Variants in PCDH9 observed in about 807,000 individuals in gnomAD.
PCDH9 encodes the protein protocadherin-9.
In PCDH9, 24 loss-of-function variants were observed where a neutral mutation model predicts 70.6. That is an observed-to-expected ratio of 0.34 (90% confidence interval 0.25 to 0.48). The LOEUF is 0.48. Among genes scored for constraint, PCDH9 ranks in the 20% least tolerant of loss-of-function variants. PCDH9 has a pLI of 0.99. For missense variants in PCDH9, 1,281 were observed against 1,503.6 expected (o/e 0.85, Z 2.45); for synonymous variants, 562 against 558.5 (o/e 1.01, Z -0.09).
At chr13:66,831,356 TC>T (rs1295424868) in intron 3 of PCDH9, among the ~76,000 whole-genome samples, 1 of 152,204 alleles carries the variant, frequency 6.6e-6, no homozygotes, top group East Asian at 1.9e-4. Context: ...CACCAATCTT[TC>T]CTAGAAATTA....
chr13:67,004,563 AAAAAG>A (rs1471820957), intron 2 of PCDH9, among the ~76,000 whole-genome samples: 51 of 150,146 alleles, frequency 3.4e-4, no homozygotes, highest in African/African-American at 6.3e-4. Flanking sequence ...AAAAAAAAAA[AAAAAG>A]AAAGAAAGAA....
intron 3 of PCDH9, among the ~76,000 whole-genome samples, chr13:66,779,001 A>T (rs2079946645): frequency 6.6e-6 from 1 of 152,198 alleles, no homozygotes; most frequent in South Asian, 2.1e-4. Flanking sequence ...TTTGACCATT[A>T]TTCTGACAAA....
intron 4 of PCDH9, among the ~76,000 whole-genome samples, chr13:66,415,556 C>T (rs1957446647): frequency 6.6e-6 from 1 of 152,168 alleles, no homozygotes; most frequent in Non-Finnish European, 1.5e-5. Flanking sequence ...TTTTGCTACA[C>T]AATGTTCTAC....
At position 67,223,625 on chromosome 13, in the gene PCDH9, T is replaced by C. The variant is rs2089782128; in HGVS notation, c.3036+1780A>G. ...TTACTTTTCTTATCATAGTTAACTA[T>C]TTAACTTTTAAAAACCTTTACTAAG... is the stretch of plus-strand genomic sequence containing the variant. On this transcript the variant is annotated intron_variant, in intron 2 of 4. Coordinates refer to ENST00000377865, the MANE Select transcript of PCDH9 (RefSeq NM_203487.3). 3 of 152,150 alleles carry C rather than the reference T, an allele frequency of 2.0e-5. No homozygotes were observed. The South Asian group carries it at 6.2e-4, about 31-fold the overall frequency. The allele number at this position is 152,150 out of a possible 1,614,324, so 9.4% of individuals were successfully genotyped here. A position where few individuals can be genotyped will look rare whatever the true frequency, so the allele number is the denominator to read the frequency against.
At chr13:66,342,178 G>A (rs1044257732) in intron 4 of PCDH9, among the ~76,000 whole-genome samples, 3 of 152,132 alleles carry the variant, frequency 2.0e-5, no homozygotes, top group African/African-American at 7.2e-5. Flanking sequence ...CCATAATGTG[G>A]AGCAGTTGCC....
At chr13:66,821,033 A>C (rs943816685) in intron 3 of PCDH9, among the ~76,000 whole-genome samples, 1 of 152,196 alleles carries the variant, frequency 6.6e-6, no homozygotes, top group Non-Finnish European at 1.5e-5. Flanking sequence ...TGACAAAATT[A>C]TTCTATTCAT....
chr13:66,329,949 C>T (rs901038167), intron 4 of PCDH9, among the ~76,000 whole-genome samples: 1 of 152,086 alleles, frequency 6.6e-6, no homozygotes, highest in African/African-American at 2.4e-5. Context: ...GCAATAGCTA[C>T]AATAAAAAAC....
At chr13:66,790,825 A>T (rs1346156434) in intron 3 of PCDH9, among the ~76,000 whole-genome samples, 1 of 152,118 alleles carries the variant, frequency 6.6e-6, no homozygotes, top group Admixed American at 6.5e-5. Context: ...ATACAGGATT[A>T]AAAAAGAAAT....
At chr13:67,023,697 G>C (rs2084724398) in intron 2 of PCDH9, among the ~76,000 whole-genome samples, 1 of 152,162 alleles carries the variant, frequency 6.6e-6, no homozygotes, top group Admixed American at 6.5e-5. Flanking sequence ...CCTGAATGGA[G>C]AGACTTGCAA....
chr13:66,459,731 A>G (rs1958386429), intron 4 of PCDH9, among the ~76,000 whole-genome samples: 1 of 151,994 alleles, frequency 6.6e-6, no homozygotes. Context: ...CGCATGCTTT[A>G]AGCTATGCAT....
At chr13:66,557,701 G>T (rs1356942803) in intron 4 of PCDH9, among the ~76,000 whole-genome samples, 2 of 152,186 alleles carry the variant, frequency 1.3e-5, no homozygotes, top group East Asian at 3.8e-4. Context: ...TTAGAGTTCT[G>T]TTAAGCTTAA....
chr13:67,135,393 A>G (rs2138341563), intron 2 of PCDH9, among the ~76,000 whole-genome samples: 1 of 152,228 alleles, frequency 6.6e-6, no homozygotes, highest in Non-Finnish European at 1.5e-5. Context: ...TGTGTTTCCA[A>G]TTTATATTTT....
intron 2 of PCDH9, among the ~76,000 whole-genome samples, chr13:67,162,980 A>G (rs1283521690): frequency 1.3e-5 from 2 of 152,196 alleles, no homozygotes; most frequent in Non-Finnish European, 2.9e-5. Context: ...TTTGCGATCC[A>G]GTTCTTCCAC....
intron 2 of PCDH9, among the ~76,000 whole-genome samples, chr13:66,928,724 A>G (rs1216582778): frequency 6.6e-6 from 1 of 152,088 alleles, no homozygotes; most frequent in Non-Finnish European, 1.5e-5. Context: ...CCTCAACCAG[A>G]TATTTCTGGT....
chr13:66,359,256 C>T (rs1364967946), intron 4 of PCDH9, among the ~76,000 whole-genome samples: 2 of 151,934 alleles, frequency 1.3e-5, no homozygotes, highest in East Asian at 1.9e-4. Flanking sequence ...TTGAGACATA[C>T]TAAAGGCTTC....
chr13:66,405,505 T>C lies in PCDH9; in HGVS notation c.3341-100477A>G, dbSNP rs112358449. ...GGAGAACATAAAGTGTTTTTATCCA[T>C]AGATCATCTGAACAGAAAAATAGAT... On this transcript the variant is annotated intron_variant, in intron 4 of 4. Coordinates refer to ENST00000377865, the MANE Select transcript of PCDH9 (RefSeq NM_203487.3). Among the ~76,000 whole-genome samples the C allele has an allele frequency of 7.7e-3, 1,174 of 152,266 alleles. 21 individuals carry two copies. The highest frequency in any genetic ancestry group is 0.026 in the African/African-American group (1,091 of 41,544).
intron 2 of PCDH9, among the ~76,000 whole-genome samples, chr13:67,043,818 GATTAAATATA>G: frequency 6.6e-6 from 1 of 152,120 alleles, no homozygotes; most frequent in South Asian, 2.1e-4. Context: ...CAATAATCAT[GATTAAATATA>G]CATAGCCTTG....
intron 2 of PCDH9, chr13:67,210,173 CATA>C (rs2089439512): frequency 6.6e-6 from 1 of 151,930 alleles, no homozygotes; most frequent in South Asian, 2.1e-4. Flanking sequence ...ATGGCAGCTA[CATA>C]ATGATTTTAA....
chr13:66,736,374 T>C (rs1469680773), intron 3 of PCDH9, among the ~76,000 whole-genome samples: 1 of 152,110 alleles, frequency 6.6e-6, no homozygotes, highest in African/African-American at 2.4e-5. Flanking sequence ...GTATGCACAT[T>C]CACAGAGGAA....
Sources: gnomAD v4.1 joint callset for allele counts (sites outside exome capture counted in the v4.1 genomes callset) on GRCh38, gnomAD v4.1.1 for gene constraint, MANE v1.5 for transcripts, NCBI Gene and HGNC (gene_info 2026-07-23, HGNC 2026-07-21) for gene names.